The following GNA12 variants were observed in gnomAD, a reference collection of about 807,000 sequenced individuals.
The protein encoded by GNA12 is G protein subunit alpha 12, also known as guanine nucleotide-binding protein subunit alpha-12.
In GNA12, 9 loss-of-function variants were observed where a neutral mutation model predicts 26.0. The observed-to-expected ratio is 0.35, with a 90% CI of 0.21 to 0.60. GNA12 has a LOEUF of 0.60. Ranked by LOEUF, GNA12 falls within the 20% of genes least tolerant of loss-of-function variation. The pLI is 0.78. For synonymous variants in GNA12, 264 were observed against 219.6 expected, an observed-to-expected ratio of 1.20 and a Z score of -1.79; for missense variants, 405 against 525.8, an observed-to-expected ratio of 0.77 and a Z score of 2.25.
intron 1 of GNA12, among the ~76,000 whole-genome samples, chr7:2,803,138 G>A (rs528174263): frequency 2.0e-5 from 3 of 152,178 alleles, no homozygotes; most frequent in African/African-American, 7.2e-5. Flanking sequence ...TGCTATGGGA[G>A]AACTTTCAAA....
intron 2 of GNA12, chr7:2,765,148 G>A (rs1054397226): frequency 6.6e-6 from 1 of 150,846 alleles, no homozygotes; most frequent in African/African-American, 2.4e-5. Context: ...ATCACAGGCT[G>A]ACTTTTTTTT....
intron 1 of GNA12, among the ~76,000 whole-genome samples, chr7:2,841,811 T>C (rs1310978870): frequency 2.0e-5 from 3 of 152,118 alleles, no homozygotes; most frequent in South Asian, 2.1e-4. Context: ...ATGTACCCGA[T>C]AGGTTTCTAC....
chr7:2,747,302 C>A lies in GNA12; in HGVS notation c.526-13801G>T, dbSNP rs560803673. ...TACTGGAAAAGCAAACCCAGCAGCACATCAAAAAGCTTATCCACCATGATC... is the reference window on the plus strand; with the variant it reads ...TACTGGAAAAGCAAACCCAGCAGCAAATCAAAAAGCTTATCCACCATGATC... On this transcript the variant is annotated intron_variant, in intron 2 of 3. Coordinates refer to ENST00000275364, the MANE Select transcript of GNA12 (RefSeq NM_007353.3). Among the ~76,000 whole-genome samples the A allele has an allele frequency of 2.7e-4, 41 of 152,306 alleles. No homozygotes were observed. The South Asian group carries it at 8.5e-3, about 32-fold the overall frequency.
At chr7:2,777,668 C>A (rs1156598880) in intron 2 of GNA12, among the ~76,000 whole-genome samples, 1 of 152,104 alleles carries the variant, frequency 6.6e-6, no homozygotes, top group South Asian at 2.1e-4. Context: ...AGGAAGAGAG[C>A]CCTCACCAGG....
chr7:2,827,381 G>A lies in GNA12; in HGVS notation c.309+16472C>T, dbSNP rs115650103. 4.0e-3 allele frequency among the ~76,000 whole-genome samples: 616 copies of A among 152,240 alleles called. 4 individuals carry two copies. The highest frequency in any genetic ancestry group is 0.014 in the African/African-American group (597 of 41,530). On this transcript the variant is annotated intron_variant, in intron 1 of 3. Transcript: ENST00000275364. ...TACACTTCCAGATGATTAATTGTATGGTATGTGAATTTTACCTCGATTATT... is the reference window on the plus strand; with the variant it reads ...TACACTTCCAGATGATTAATTGTATAGTATGTGAATTTTACCTCGATTATT...
intron 1 of GNA12, among the ~76,000 whole-genome samples, chr7:2,832,553 GGGCTTAGTTTCTGTTC>G (rs1257965137): frequency 1.6e-4 from 25 of 152,126 alleles, no homozygotes; most frequent in Non-Finnish European, 3.2e-4. Flanking sequence ...AGTGTTCCTC[GGGCTTAGTTTCTGTTC>G]GGCTTGGCTT....
intron 1 of GNA12, among the ~76,000 whole-genome samples, chr7:2,814,115 C>T (rs1010782118): frequency 4.6e-5 from 7 of 152,184 alleles, no homozygotes; most frequent in Non-Finnish European, 7.3e-5. Context: ...GTTTGAATCA[C>T]GCCTCGGGCT....
intron 1 of GNA12, chr7:2,814,204 A>G (rs1793158790): frequency 1.5e-6 from 1 of 686,938 alleles, no homozygotes; most frequent in East Asian, 2.6e-5. Flanking sequence ...TCTCCATCAT[A>G]AATCTCCTTT....
At chr7:2,834,469 G>A (rs1008782568) in intron 1 of GNA12, among the ~76,000 whole-genome samples, 2 of 152,194 alleles carry the variant, frequency 1.3e-5, no homozygotes, top group Non-Finnish European at 2.9e-5. Flanking sequence ...AGTGCGAGTG[G>A]AGAGTAGGGG....
intron 2 of GNA12, among the ~76,000 whole-genome samples, chr7:2,747,491 C>G (rs1790823997): frequency 6.6e-6 from 1 of 152,172 alleles, no homozygotes; most frequent in South Asian, 2.1e-4. Context: ...TAAAAACTCT[C>G]AACAAATTAG....
In GNA12 at chr7:2,728,482, A is replaced by G. The variant is rs578210045; in HGVS notation, c.*2699T>C. On this transcript the variant is annotated 3_prime_UTR_variant, in exon 4 of 4. Transcript: ENST00000275364. The stretch of plus-strand genomic sequence containing the variant: ...TCCTTGAAACAATTTCTCTACGAAC[A>G]TAAGAGTTAAAAATAGATTTCAGTA... The G allele has an allele frequency of 5.2e-5, 8 of 152,508 alleles. No individual in the cohort carries two copies. Among genetic ancestry groups the G allele is most frequent in the South Asian group, 2.1e-4 (1 of 4,832 alleles). 9.4% of individuals were successfully genotyped at this position (152,508 alleles called of 1,614,324 possible). A position where few individuals can be genotyped will look rare whatever the true frequency, so the allele number is the denominator to read the frequency against.
intron 2 of GNA12, among the ~76,000 whole-genome samples, chr7:2,790,670 A>G (rs1006002336): frequency 1.3e-5 from 2 of 152,220 alleles, no homozygotes; most frequent in African/African-American, 4.8e-5. Flanking sequence ...AGATCCTAAA[A>G]TTCAAAGGTA....
chr7:2,798,735 CTGATTT>C lies in GNA12; in HGVS notation c.310-3598_310-3593del, dbSNP rs1340864131. Among the ~76,000 whole-genome samples, 12 of 152,278 alleles carry C rather than the reference CTGATTT, an allele frequency of 7.9e-5. No homozygotes were observed. The East Asian group carries it at 1.2e-3, about 15-fold the overall frequency. On this transcript the variant is annotated intron_variant, in intron 1 of 3. Transcript: ENST00000275364. ...AGAAAAGTGGGAACAATCAGTCTAT[CTGATTT>C]TAAGACTTATTATATAGCTATGATA... is the stretch of plus-strand genomic sequence containing the variant.
chr7:2,755,041 T>C (rs915319966), intron 2 of GNA12, among the ~76,000 whole-genome samples: 2 of 152,216 alleles, frequency 1.3e-5, no homozygotes, highest in Admixed American at 1.3e-4. Flanking sequence ...AGGCTCTCCT[T>C]CTTCACTGAG....
chr7:2,776,801 G>A (rs1483269261), intron 2 of GNA12, among the ~76,000 whole-genome samples: 4 of 152,090 alleles, frequency 2.6e-5, no homozygotes, highest in East Asian at 1.9e-4. Context: ...ACCTTACGTC[G>A]GGGCCAGGAG....
chr7:2,803,037 C>A (rs1357942508), intron 1 of GNA12, among the ~76,000 whole-genome samples: 1 of 152,218 alleles, frequency 6.6e-6, no homozygotes, highest in East Asian at 1.9e-4. Context: ...CCTCTTGGCT[C>A]TGCCAGTGAC....
At chr7:2,818,587 A>AC (rs1422639337) in intron 1 of GNA12, among the ~76,000 whole-genome samples, 1 of 152,052 alleles carries the variant, frequency 6.6e-6, no homozygotes, top group Non-Finnish European at 1.5e-5. Context: ...ACATGGTGAA[A>AC]CCCCGACTCT....
intron 2 of GNA12, among the ~76,000 whole-genome samples, chr7:2,758,265 C>T (rs1469203289): frequency 6.6e-6 from 1 of 152,244 alleles, no homozygotes; most frequent in Non-Finnish European, 1.5e-5. Context: ...GTGGCTCACA[C>T]TGTAATCCTA....
intron 2 of GNA12, among the ~76,000 whole-genome samples, chr7:2,783,604 C>A (rs1583277999): frequency 6.6e-6 from 1 of 152,036 alleles, no homozygotes; most frequent in East Asian, 1.9e-4. Flanking sequence ...TAAGGTTTCG[C>A]CTGGTGGTGC....
Sources: allele counts gnomAD v4.1 joint callset (sites outside exome capture counted in the v4.1 genomes callset), GRCh38; gene constraint gnomAD v4.1.1; transcripts MANE v1.5; gene names NCBI Gene and HGNC (gene_info 2026-07-23, HGNC 2026-07-21).